SLCO5A1: variants seen among roughly 807,000 people sequenced by gnomAD.
The protein encoded by SLCO5A1 is solute carrier organic anion transporter family member 5A1, also known as organic anion transporter polypeptide-related protein 4.
In SLCO5A1, 39 loss-of-function variants were observed where a neutral mutation model predicts 65.1. That is an observed-to-expected ratio of 0.60 (90% CI 0.46 to 0.78). SLCO5A1 has a LOEUF of 0.78. Ranked by LOEUF, SLCO5A1 falls within the 30% of genes least tolerant of loss-of-function variation. The pLI is 0.00. For missense variants in SLCO5A1, 1,029 were observed against 1,069.4 expected (o/e 0.96, Z 0.53); for synonymous variants, 438 against 415.7 (o/e 1.05, Z -0.65).
At chr8:69,700,406 G>C (rs1195234826) in intron 6 of SLCO5A1, 1 of 152,060 alleles carries the variant, frequency 6.6e-6, no homozygotes, top group Non-Finnish European at 1.5e-5. Flanking sequence ...ATCATTCTTT[G>C]GTCAAAGGCA....
chr8:69,742,406 A>G (rs756992713), intron 4 of SLCO5A1, among the ~76,000 whole-genome samples: 9 of 152,190 alleles, frequency 5.9e-5, no homozygotes, highest in Admixed American at 1.3e-4. Context: ...TGAAATAATG[A>G]CAGTGATTAT....
rs760696769 is a variant in SLCO5A1 at position 69,673,327 on chromosome 8, C to T, written c.2090-1G>A. On this transcript the variant is annotated splice_acceptor_variant, in intron 9 of 9. Transcript: ENST00000260126. LOFTEE classifies it high-confidence loss of function. ...AAGTAGATTGGAGTAGGAATGTATG[C>T]TAGAGGGGTGGAGAAGAAGAAAATA... The T allele has an allele frequency of 3.1e-6, 5 of 1,606,868 alleles. No individual in the cohort carries two copies. The highest frequency in any genetic ancestry group is 4.3e-6 in the Non-Finnish European group (5 of 1,174,768).
At chr8:69,812,984 T>C (rs572547363) in intron 2 of SLCO5A1, among the ~76,000 whole-genome samples, 65 of 152,296 alleles carry the variant, frequency 4.3e-4, no homozygotes, top group Non-Finnish European at 6.8e-4. Flanking sequence ...ACACATTCCC[T>C]TTCCAGCTGA....
intron 6 of SLCO5A1, among the ~76,000 whole-genome samples, chr8:69,704,270 C>T (rs1158433649): frequency 1.3e-5 from 2 of 152,120 alleles, no homozygotes; most frequent in Non-Finnish European, 2.9e-5. Flanking sequence ...TCAGTACCTC[C>T]GTTTTGCTAT....
chr8:69,693,936 A>G (rs936930824), intron 6 of SLCO5A1, among the ~76,000 whole-genome samples: 8 of 152,246 alleles, frequency 5.3e-5, no homozygotes, highest in Admixed American at 5.2e-4. Context: ...TAATTTGCCC[A>G]TACTCAGACA....
chr8:69,797,244 A>G (rs1284807579), intron 2 of SLCO5A1, among the ~76,000 whole-genome samples: 1 of 152,162 alleles, frequency 6.6e-6, no homozygotes, highest in East Asian at 1.9e-4. Flanking sequence ...CACTTCCCCA[A>G]TCAATACCCT....
intron 5 of SLCO5A1, among the ~76,000 whole-genome samples, chr8:69,719,915 G>T (rs2933030): frequency 6.6e-6 from 1 of 152,060 alleles, no homozygotes; most frequent in South Asian, 2.1e-4. Flanking sequence ...CCGCTGAGCC[G>T]GTGTACACAT....
chr8:69,728,270 G>C (rs1270727546), intron 5 of SLCO5A1, among the ~76,000 whole-genome samples: 1 of 152,090 alleles, frequency 6.6e-6, no homozygotes, highest in East Asian at 1.9e-4. Context: ...AATAAAAAAG[G>C]ATAAACTAAT....
At chr8:69,822,368 A>G (rs1274127657) in intron 2 of SLCO5A1, among the ~76,000 whole-genome samples, 1 of 152,218 alleles carries the variant, frequency 6.6e-6, no homozygotes, top group African/African-American at 2.4e-5. Context: ...AAAGATGATC[A>G]TCAAATGTTG....
intron 5 of SLCO5A1, among the ~76,000 whole-genome samples, chr8:69,709,200 G>C (rs575992770): frequency 1.3e-5 from 2 of 152,296 alleles, no homozygotes; most frequent in Admixed American, 6.5e-5. Flanking sequence ...AACAAGGCAG[G>C]GTTGAGGTTT....
intron 5 of SLCO5A1, among the ~76,000 whole-genome samples, chr8:69,714,138 T>C (rs1017347617): frequency 1.3e-5 from 2 of 152,228 alleles, no homozygotes; most frequent in African/African-American, 2.4e-5. Flanking sequence ...ATCTCAATCT[T>C]ACTGTTGTAA....
At chr8:69,719,441 A>G (rs1815716918) in intron 5 of SLCO5A1, among the ~76,000 whole-genome samples, 2 of 152,242 alleles carry the variant, frequency 1.3e-5, no homozygotes, top group Non-Finnish European at 2.9e-5. Flanking sequence ...TCAACCTTAT[A>G]GAAACTAGTC....
chr8:69,673,279 A>T lies in SLCO5A1; in HGVS notation c.2137T>A (p.Cys713Ser), dbSNP rs1813409680. 5.0e-6 allele frequency: 8 copies of T among 1,614,126 alleles called. No individual in the cohort carries two copies. The highest frequency in any genetic ancestry group is 1.6e-4 in the Middle Eastern group (1 of 6,084). ...IYFGAVIDTTCMLWQQECGVQ... is the reference protein window; with the variant it reads ...IYFGAVIDTTSMLWQQECGVQ... ...CCACATTCCTGTTGCCAGAGCATGC[A>T]GGTGGTGTCAATGACTGCTCCAAAG... The change falls in exon 10 of 10, where the codon TGC becomes AGC. Residue 713 changes from cysteine to serine, a missense_variant. Physicochemically the swap from Cys to Ser is moderately radical, Grantham distance 112. Transcript: ENST00000260126.
At chr8:69,737,688 AT>A (rs1046419910) in intron 5 of SLCO5A1, among the ~76,000 whole-genome samples, 6 of 152,154 alleles carry the variant, frequency 3.9e-5, no homozygotes, top group South Asian at 2.1e-4. Context: ...CAGGTTATCA[AT>A]TTTTTTTAAC....
intron 4 of SLCO5A1, among the ~76,000 whole-genome samples, chr8:69,747,112 C>A (rs566493065): frequency 6.6e-6 from 1 of 152,194 alleles, no homozygotes; most frequent in African/African-American, 2.4e-5. Context: ...GGCCTTGCTC[C>A]GATTCTGCCT....
intron 6 of SLCO5A1, among the ~76,000 whole-genome samples, chr8:69,696,076 G>A (rs1814485104): frequency 6.6e-6 from 1 of 152,212 alleles, no homozygotes; most frequent in African/African-American, 2.4e-5. Flanking sequence ...AGCACATTAT[G>A]TAATTTTTTC....
intron 3 of SLCO5A1, among the ~76,000 whole-genome samples, chr8:69,758,813 C>T (rs1382264947): frequency 3.3e-5 from 5 of 152,238 alleles, no homozygotes; most frequent in African/African-American, 9.6e-5. Flanking sequence ...ACATCAATAA[C>T]AGCTACACTT....
At chr8:69,714,754 A>G (rs982581827) in intron 5 of SLCO5A1, 1 of 152,232 alleles carries the variant, frequency 6.6e-6, no homozygotes, top group African/African-American at 2.4e-5. Context: ...TTCAACAGGG[A>G]GATATTTATA....
chr8:69,782,148 G>C (rs750479741), intron 2 of SLCO5A1, among the ~76,000 whole-genome samples: 2 of 151,686 alleles, frequency 1.3e-5, no homozygotes, highest in Non-Finnish European at 2.9e-5. Flanking sequence ...TGGGTTGATG[G>C]GTGCAGCAAA....
Sources: allele counts gnomAD v4.1 joint callset (sites outside exome capture counted in the v4.1 genomes callset), GRCh38; gene constraint gnomAD v4.1.1; transcripts MANE v1.5; gene names NCBI Gene and HGNC (gene_info 2026-07-23, HGNC 2026-07-21).